The following ITPR1 variants were observed in gnomAD, a reference collection of about 807,000 sequenced individuals.
ITPR1 encodes inositol 1,4,5-trisphosphate receptor type 1, also known as inositol 1,4,5-trisphosphate-gated calcium channel ITPR1.
In ITPR1, 96 loss-of-function variants were observed where a neutral mutation model predicts 318.4. The ratio of observed to expected loss-of-function variants is 0.30; its 90% CI spans 0.26 to 0.36. The LOEUF is 0.36. Ranked by LOEUF, ITPR1 falls within the 10% of genes least tolerant of loss-of-function variation. The pLI, the probability that ITPR1 is intolerant of heterozygous loss-of-function variation, is 1.00. For synonymous variants in ITPR1, 1,312 were observed against 1,289.9 expected, an observed-to-expected ratio of 1.02 and a Z score of -0.37; for missense variants, 2,440 against 3,460.2, an observed-to-expected ratio of 0.71 and a Z score of 7.40.
rs1345324499 is a variant in ITPR1 at position 4,751,191 on chromosome 3, AAAC to A, written c.5545-15336_5545-15334del. The A allele has an allele frequency of 4.6e-5, 7 of 152,766 alleles. No homozygotes were observed. The South Asian group carries it at 1.5e-3, about 32-fold the overall frequency. The allele number at this position is 152,766 out of a possible 1,614,324, so 9.5% of individuals were successfully genotyped here. Reference sequence around the variant, plus strand: ...TGCGTTATAAAATAGAACCGCAAGAAAACAAGAGAATGGGTTTACCCCACAATC... The same window carrying A: ...TGCGTTATAAAATAGAACCGCAAGAAAAGAGAATGGGTTTACCCCACAATC... On this transcript the variant is annotated intron_variant, in intron 44 of 61. Coordinates refer to ENST00000649015, the MANE Select transcript of ITPR1 (RefSeq NM_001378452.1).
intron 44 of ITPR1, among the ~76,000 whole-genome samples, chr3:4,759,482 G>A (rs2045276865): frequency 1.3e-5 from 2 of 152,184 alleles, no homozygotes; most frequent in African/African-American, 4.8e-5. Context: ...TGGGCAGTCA[G>A]GGGAGGGAGG....
At chr3:4,624,465 T>C (rs1465575062) in intron 4 of ITPR1, among the ~76,000 whole-genome samples, 6 of 152,074 alleles carry the variant, frequency 3.9e-5, no homozygotes, top group African/African-American at 1.4e-4. Flanking sequence ...GGTCAGGAGT[T>C]CGAGACCAGC....
chr3:4,762,636 C>T (rs1038546445), intron 44 of ITPR1, among the ~76,000 whole-genome samples: 4 of 152,220 alleles, frequency 2.6e-5, no homozygotes, highest in African/African-American at 9.6e-5. Context: ...CATGGCAGCC[C>T]TTCTATGTGG....
intron 5 of ITPR1, among the ~76,000 whole-genome samples, chr3:4,631,151 T>C (rs1219264345): frequency 1.3e-5 from 2 of 152,228 alleles, no homozygotes; most frequent in African/African-American, 4.8e-5. Flanking sequence ...ATAAAATTAC[T>C]TGAGCTCTCA....
rs185176295 is a variant in ITPR1, at chr3:4,715,398, C to T, written c.5104-1969C>T. Among the ~76,000 whole-genome samples the T allele has an allele frequency of 6.4e-4, 98 of 152,330 alleles. 2 individuals are homozygous for T. Among genetic ancestry groups the T allele is most frequent in the Non-Finnish European group, 2.1e-4 (14 of 68,026 alleles). On this transcript the variant is annotated intron_variant, in intron 39 of 61. Coordinates refer to ENST00000649015, the MANE Select transcript of ITPR1 (RefSeq NM_001378452.1). Reference sequence around the variant, plus strand: ...TGCTGATTTTTCACACAGTTGAGAACACTCTCCAATAGACGCCAAGTGCAT... The same window carrying T: ...TGCTGATTTTTCACACAGTTGAGAATACTCTCCAATAGACGCCAAGTGCAT...
At chr3:4,501,151 C>T (rs923602801) in intron 2 of ITPR1, among the ~76,000 whole-genome samples, 6 of 151,854 alleles carry the variant, frequency 4.0e-5, no homozygotes, top group South Asian at 2.1e-4. Context: ...TGTGAGTCAC[C>T]GGGCCCAGCC....
In ITPR1 at chr3:4,710,330, C is replaced by T. The variant is rs746194855; in HGVS notation, c.4848C>T (p.Ile1616=). Residue 1616 remains isoleucine (I), a synonymous_variant, in exon 38 of 62, where the codon ATC becomes ATT. Transcript: ENST00000649015. This position sits in a 1 kb window ranked among gnomAD's most constrained non-coding sequence, Gnocchi z 4.2. ...AGGCTGTGTTTCCGTTTTAGGACAT[C>T]GTCTCCGCGCTGGAGGACCGTCTCA... ...YRNIIERLQD[I]VSALEDRLRP... 37 of 1,551,290 alleles carry T rather than the reference C, an allele frequency of 2.4e-5. No homozygotes were observed. In the Admixed American group the frequency reaches 4.7e-4, roughly 20 times the overall value.
chr3:4,590,681 A>AT (rs1231629834), intron 4 of ITPR1, among the ~76,000 whole-genome samples: 1 of 152,026 alleles, frequency 6.6e-6, no homozygotes, highest in Non-Finnish European at 1.5e-5. Context: ...GACTACAGGC[A>AT]TGTGCCAGCA....
chr3:4,555,226 C>T (rs2086006605), intron 4 of ITPR1, among the ~76,000 whole-genome samples: 1 of 152,152 alleles, frequency 6.6e-6, no homozygotes, highest in African/African-American at 2.4e-5. Context: ...CCTGCCTCTC[C>T]TGCTTTAAGG....
chr3:4,498,036 G>T (rs1369073444), intron 2 of ITPR1, among the ~76,000 whole-genome samples: 2 of 152,170 alleles, frequency 1.3e-5, no homozygotes, highest in Non-Finnish European at 2.9e-5. Context: ...ATTGCTGGGG[G>T]AGATAGAAGA....
intron 4 of ITPR1, among the ~76,000 whole-genome samples, chr3:4,553,494 G>T (rs981770582): frequency 1.3e-5 from 2 of 151,908 alleles, no homozygotes; most frequent in African/African-American, 4.8e-5. Flanking sequence ...ACAGTGGTAC[G>T]ATTTCAGCTC....
intron 59 of ITPR1, among the ~76,000 whole-genome samples, chr3:4,817,782 C>T (rs1322282054): frequency 2.6e-5 from 4 of 152,326 alleles, no homozygotes; most frequent in South Asian, 2.1e-4. Flanking sequence ...CCCCTAAACA[C>T]TCCTGGAACC....
intron 60 of ITPR1, among the ~76,000 whole-genome samples, chr3:4,821,688 C>G (rs977548913): frequency 6.6e-6 from 1 of 152,216 alleles, no homozygotes; most frequent in African/African-American, 2.4e-5. Context: ...AAAAACACAA[C>G]AGCCTGTCTA....
At chr3:4,625,195 A>G (rs6810292) in intron 4 of ITPR1, among the ~76,000 whole-genome samples, 26,635 of 151,860 alleles carry the variant, frequency 0.18, 4,941 homozygotes, top group African/African-American at 0.47. Context: ...AACTGGAAAA[A>G]TACCTATTCT....
intron 4 of ITPR1, among the ~76,000 whole-genome samples, chr3:4,567,009 C>T (rs1680106578): frequency 6.6e-6 from 1 of 152,232 alleles, no homozygotes; most frequent in South Asian, 2.1e-4. Context: ...GGCAGTGCCA[C>T]TTATGACTTG....
Position 4,674,185 on chromosome 3 carries a change from T to A in ITPR1, c.2457-17T>A. On this transcript the variant is annotated splice_polypyrimidine_tract_variant and intron_variant, in intron 21 of 61. Transcript: ENST00000649015. ...TAACTTGAAATTTTGTTTCCTTTCT[T>A]TCTCCTTTCTTTTCAGCTATGATAG... is the stretch of plus-strand genomic sequence containing the variant. 1 of 1,529,916 alleles carries A rather than the reference T, an allele frequency of 6.5e-7. No homozygotes were observed. The highest frequency in any genetic ancestry group is 1.3e-5 in the South Asian group (1 of 78,782). The allele number at this position is 1,529,916 out of a possible 1,614,324, so 94.8% of individuals were successfully genotyped here.
intron 4 of ITPR1, among the ~76,000 whole-genome samples, chr3:4,542,281 GT>G (rs1250859369): frequency 2.6e-5 from 4 of 152,014 alleles, no homozygotes; most frequent in Non-Finnish European, 5.9e-5. Context: ...ATTTCCCTGT[GT>G]GTTTTGTGAT....
chr3:4,802,305 C>A (rs1273648892), intron 54 of ITPR1, among the ~76,000 whole-genome samples: 1 of 152,122 alleles, frequency 6.6e-6, no homozygotes, highest in African/African-American at 2.4e-5. Flanking sequence ...AACTCTGTTC[C>A]CAGTAGTGGA....
intron 2 of ITPR1, among the ~76,000 whole-genome samples, chr3:4,509,825 T>A: frequency 6.6e-6 from 1 of 152,130 alleles, no homozygotes; most frequent in East Asian, 1.9e-4. Context: ...TAAACTCTTC[T>A]AGGCAGCAGA....
Sources: gnomAD v4.1 joint callset for allele counts (sites outside exome capture counted in the v4.1 genomes callset) on GRCh38, gnomAD v4.1.1 for gene constraint, Gnocchi (gnomAD v3.1) non-coding constraint, MANE v1.5 for transcripts, NCBI Gene and HGNC (gene_info 2026-07-23, HGNC 2026-07-21) for gene names.